The following TTN variants were observed in gnomAD, a reference collection of about 807,000 sequenced individuals.
TTN encodes the protein connectin.
Under a neutral mutation model 3,223.0 loss-of-function variants are expected in TTN, and 1,525 were observed. That is an observed-to-expected ratio of 0.47 (90% CI 0.45 to 0.49). TTN has a LOEUF of 0.49. TTN is among the 20% of genes least tolerant of loss of function. The probability of loss-of-function intolerance (pLI) is 0.00; values close to 1 mark genes in which losing one functional copy is unlikely to be tolerated. For synonymous variants in TTN, 14,094 were observed against 15,161.0 expected, an observed-to-expected ratio of 0.93 and a Z score of 5.17; for missense variants, 40,786 against 43,424.0, an observed-to-expected ratio of 0.94 and a Z score of 5.40.
intron 292 of TTN, 66 bp downstream of exon 292, chr2:178,598,440 T>A (rs2052358067): frequency 2.6e-6 from 4 of 1,548,770 alleles, no homozygotes; most frequent in Admixed American, 2.2e-5. Context: ...GTTAATGGGA[T>A]TGAGAATAAC....
chr2:178,741,984 C>T, intron 47 of TTN, 63 bp from the exon 48 acceptor site: 1 of 1,224,910 alleles, frequency 8.2e-7, no homozygotes. Context: ...AAATAGAAAT[C>T]AAAGAATTAG....
At position 178,729,882 on chromosome 2, in the gene TTN, G is replaced by A. The variant is rs1280788914; in HGVS notation, c.18371C>T (p.Thr6124Ile). ...VLVLRNGQST[T>I]FECQITGTPK... ...AGTGCCTGTTATTTGGCATTCAAATGTTGTTGACTGTCCATTCCTCAGCAC... is the reference window on the plus strand; with the variant it reads ...AGTGCCTGTTATTTGGCATTCAAATATTGTTGACTGTCCATTCCTCAGCAC... The change falls in exon 63 of 363, where the codon ACA (threonine) becomes ATA (isoleucine). Residue 6124 changes from threonine to isoleucine, a missense_variant. Transcript: ENST00000589042. The A allele has an allele frequency of 1.2e-6, 2 of 1,613,522 alleles. No individual in the cohort carries two copies. Among genetic ancestry groups the A allele is most frequent in the Non-Finnish European group, 1.7e-6 (2 of 1,179,692 alleles).
Position 178,702,690 on chromosome 2 carries a change from G to A in TTN, c.30224-27C>T, listed in dbSNP as rs770412128. On this transcript the variant is annotated intron_variant, in intron 106 of 362. Coordinates refer to ENST00000589042, the MANE Select transcript of TTN (RefSeq NM_001267550.2). Reference sequence around the variant, plus strand: ...TGTTTAAGTACAAAGAGGGTTCAAAGTTAGATTATATAGAGAGGAATTTCT... The same window carrying A: ...TGTTTAAGTACAAAGAGGGTTCAAAATTAGATTATATAGAGAGGAATTTCT... The A allele has an allele frequency of 1.8e-5, 29 of 1,597,132 alleles. No individual in the cohort carries two copies. The East Asian group carries it at 6.3e-4, about 35-fold the overall frequency.
At chr2:178,527,904 C>T (rs112188341) in intron 361 of TTN, 156 bp from the exon 362 acceptor site, 4 of 647,628 alleles carry the variant, frequency 6.2e-6, no homozygotes, top group South Asian at 2.7e-5. Flanking sequence ...TATATACATA[C>T]ATTTGTCAAG....
In TTN at chr2:178,583,316, T is replaced by G. The variant is rs570554145; in HGVS notation, c.65576-89A>C. On this transcript the variant is annotated intron_variant, in intron 312 of 362. Coordinates refer to ENST00000589042, the MANE Select transcript of TTN (RefSeq NM_001267550.2). Reference sequence around the variant, plus strand: ...AATAGTGGGAAATTCATATGCTGCTTCTTTCAAGAATGGAATTTTAGTGTT... The same window carrying G: ...AATAGTGGGAAATTCATATGCTGCTGCTTTCAAGAATGGAATTTTAGTGTT... 833 of 1,240,168 alleles carry G rather than the reference T, an allele frequency of 6.7e-4. 1 individual carries two copies. Among genetic ancestry groups the G allele is most frequent in the Admixed American group, 9.9e-4 (32 of 32,400 alleles). The allele number at this position is 1,240,168 out of a possible 1,614,324, so 76.8% of individuals were successfully genotyped here.
intron 13 of TTN, 147 bp downstream of exon 13, chr2:178,789,213 G>T (rs2093362208): frequency 1.9e-6 from 2 of 1,029,376 alleles, no homozygotes; most frequent in African/African-American, 1.6e-5. Context: ...TTATTTAATT[G>T]TCTAAAAAAT....
In TTN at chr2:178,636,709, G is replaced by A. The variant is rs765821223; in HGVS notation, c.41018C>T (p.Pro13673Leu). 4.9e-5 allele frequency: 79 copies of A among 1,613,036 alleles called. 1 individual carries two copies. Among genetic ancestry groups the A allele is most frequent in the South Asian group, 4.4e-4 (40 of 91,058 alleles). The part of the protein sequence containing the change: ...SGGEKPPDEA[P>L]FTYQLKAVPL... The stretch of plus-strand genomic sequence containing the variant: ...CACAGCCTTTAGCTGGTAGGTGAAC[G>A]GGGCTTCATCAGGAGGTTTCTCTCC... Residue 13673 changes from proline to leucine, a missense_variant, in exon 225 of 363, where the codon CCG becomes CTG. Transcript: ENST00000589042. This position sits in a 1 kb window ranked among gnomAD's most constrained non-coding sequence, Gnocchi z 4.3.
At chr2:178,763,057 G>C (rs2089615366) in intron 43 of TTN, among the ~76,000 whole-genome samples, 1 of 152,162 alleles carries the variant, frequency 6.6e-6, no homozygotes, top group African/African-American at 2.4e-5. Flanking sequence ...AATGGGAGAA[G>C]CATAATAAAC....
intron 215 of TTN, 95 bp from the exon 216 acceptor site, chr2:178,646,654 CAA>C: frequency 1.5e-6 from 1 of 688,628 alleles, no homozygotes; most frequent in Non-Finnish European, 2.4e-6. Flanking sequence ...ATTACAGTCA[CAA>C]AATAAAAATA....
In TTN at chr2:178,571,225, C is replaced by G. The variant is rs1708070929; in HGVS notation, c.74907G>C (p.Lys24969Asn). 2 of 1,613,570 alleles carry G rather than the reference C, an allele frequency of 1.2e-6. No individual in the cohort carries two copies. Residue 24969 changes from lysine (K) to asparagine (N), a missense_variant, in exon 326 of 363, where the codon AAG becomes AAC. Physicochemically the swap from Lys to Asn is moderately conservative, Grantham distance 94. Transcript: ENST00000589042. ...CAACACCTTCTTCAAGGCCAGTTGT[C>G]TTAAACTTGGTTTGAGGAATAGGTG... ...NKTPIPQTKF[K>N]TTGLEEGVEY... is the part of the protein sequence containing the mutation.
Position 178,543,563 on chromosome 2 carries a change from A to G in TTN, c.96410T>C (p.Val32137Ala). Residue 32137 changes from valine (V) to alanine (A), a missense_variant, in exon 347 of 363, where the codon GTC (valine) becomes GCC (alanine). Transcript: ENST00000589042. ...ACGCTTCTCAACGATGTAATTGTTG[A>G]CTGGAGCTCCACCATCAATCGTGGG... ...EIPTIDGGAPVNNYIVEKREA... is the reference protein window; with the variant it reads ...EIPTIDGGAPANNYIVEKREA... The G allele has an allele frequency of 6.2e-7, 1 of 1,610,942 alleles. No homozygotes were observed. Among genetic ancestry groups the G allele is most frequent in the South Asian group, 1.1e-5 (1 of 91,054 alleles).
chr2:178,574,054 T>C lies in TTN; in HGVS notation c.72078A>G (p.Ala24026=), dbSNP rs1460533834. The C allele has an allele frequency of 6.2e-7, 1 of 1,613,400 alleles. No homozygotes were observed. The highest frequency in any genetic ancestry group is 1.3e-5 in the African/African-American group (1 of 75,008). The change falls in exon 326 of 363, where the codon GCA becomes GCG. Residue 24026 remains alanine (A), a synonymous_variant. Coordinates refer to ENST00000589042, the MANE Select transcript of TTN (RefSeq NM_001267550.2). ...DAITCRDDVE[A]PKIKVDVKFK... ...ATTTAACATCCACCTTTATCTTTGG[T>C]GCCTCAACATCATCCCTGCAAGTGA...
In TTN at chr2:178,541,456, C is replaced by T. The variant is rs771198352; in HGVS notation, c.97621G>A (p.Val32541Met). Residue 32541 changes from valine to methionine, a missense_variant, in exon 350 of 363, where the codon GTG (valine) becomes ATG (methionine). Val to Met is a conservative substitution (Grantham distance 21). Transcript: ENST00000589042. ...ACACGGACCCATCGATCTGCTCTCA[C>T]TTCTTTGCGCTCCACAATATATCCA... ...VTGYIVERKE[V>M]RADRWVRVNK... 5.0e-6 allele frequency: 8 copies of T among 1,613,530 alleles called. No individual in the cohort carries two copies. Among genetic ancestry groups the T allele is most frequent in the Non-Finnish European group, 5.9e-6 (7 of 1,179,614 alleles).
At position 178,733,337 on chromosome 2, in the gene TTN, T is replaced by G. The variant is rs779733584; in HGVS notation, c.15956A>C (p.Lys5319Thr). 1.9e-6 allele frequency: 3 copies of G among 1,613,830 alleles called. No individual in the cohort carries two copies. In the Admixed American group the frequency reaches 5.0e-5, roughly 27 times the overall value. Residue 5319 changes from lysine (K) to threonine (T), a missense_variant, in exon 54 of 363, where the codon AAA becomes ACA. By Grantham distance (78) the Lys-to-Thr change is moderately conservative. Transcript: ENST00000589042. ...GTCGTGCAGCTCAGCTGAATAAAAT[T>G]TGAGCTGGGCAACATTGTTTTTAAA... ...ISFKNNVAQL[K>T]FYSAELHDSG...
At chr2:178,540,902 T>G (rs1694144530) in intron 350 of TTN, among the ~76,000 whole-genome samples, 1 of 152,238 alleles carries the variant, frequency 6.6e-6, no homozygotes, top group Non-Finnish European at 1.5e-5. Flanking sequence ...ATGTGCTTCA[T>G]TTGTAATCAC....
intron 343 of TTN, 57 bp from the exon 344 acceptor site, chr2:178,545,750 C>T (rs1193907995): frequency 2.5e-6 from 4 of 1,595,664 alleles, no homozygotes; most frequent in African/African-American, 2.7e-5. Flanking sequence ...GATAAGACTG[C>T]CCTTCTCCCT....
intron 121 of TTN, among the ~76,000 whole-genome samples, chr2:178,691,722 C>G (rs967589566): frequency 1.3e-5 from 2 of 152,092 alleles, no homozygotes; most frequent in East Asian, 3.9e-4. Flanking sequence ...CAGTAGAAAA[C>G]AAGTTTCACA....
chr2:178,705,627 G>A (rs2075743314), intron 102 of TTN, among the ~76,000 whole-genome samples: 1 of 151,910 alleles, frequency 6.6e-6, no homozygotes, highest in African/African-American at 2.4e-5. Flanking sequence ...AAGTATTTCT[G>A]TAAACTTTAT....
In TTN at chr2:178,786,053, T is replaced by G; in HGVS notation, c.2165A>C (p.His722Pro). 6.2e-7 allele frequency: 1 copy of G among 1,614,134 alleles called. No homozygotes were observed. The highest frequency in any genetic ancestry group is 8.5e-7 in the Non-Finnish European group (1 of 1,180,008). Residue 722 changes from histidine (H) to proline (P), a missense_variant, in exon 14 of 363, where the codon CAT becomes CCT. Coordinates refer to ENST00000589042, the MANE Select transcript of TTN (RefSeq NM_001267550.2). ...ARVREPREPG[H>P]LEESYAQQTT... ...CTGCTGAGCATAGGATTCTTCAAGA[T>G]GCCCAGGCTCTCTGGGCTCTCTGAC...
Sources: gnomAD v4.1 joint callset for allele counts (sites outside exome capture counted in the v4.1 genomes callset) on GRCh38, gnomAD v4.1.1 for gene constraint, Gnocchi (gnomAD v3.1) non-coding constraint, MANE v1.5 for transcripts, NCBI Gene and HGNC (gene_info 2026-07-23, HGNC 2026-07-21) for gene names.